ANKDD1B: variants seen among roughly 807,000 people sequenced by gnomAD.
ANKDD1B encodes the protein ankyrin repeat and death domain-containing protein 1B.
Under a neutral mutation model 59.7 loss-of-function variants are expected in ANKDD1B, and 57 were observed. The ratio of observed to expected loss-of-function variants is 0.95; its 90% CI spans 0.77 to 1.19. The LOEUF is 1.19. Ranked by LOEUF, ANKDD1B falls within the 50% of genes most tolerant of loss-of-function variation. The pLI, the probability that ANKDD1B is intolerant of heterozygous loss-of-function variation, is 0.00. For synonymous variants in ANKDD1B, 216 were observed against 239.5 expected, an observed-to-expected ratio of 0.90 and a Z score of 0.91; for missense variants, 602 against 641.9, an observed-to-expected ratio of 0.94 and a Z score of 0.67.
chr5:75,630,061 C>T (rs1480981368), intron 5 of ANKDD1B, among the ~76,000 whole-genome samples: 1 of 152,144 alleles, frequency 6.6e-6, no homozygotes, highest in African/African-American at 2.4e-5. Flanking sequence ...TTGCCCAAGG[C>T]CTGGAGCCCA....
chr5:75,662,822 G>A (rs1035215245), intron 10 of ANKDD1B, among the ~76,000 whole-genome samples: 1 of 152,074 alleles, frequency 6.6e-6, no homozygotes, highest in Non-Finnish European at 1.5e-5. Context: ...CCCTTGGTGA[G>A]AGGCAGTATG....
At chr5:75,663,267 A>T (rs1217332080) in intron 10 of ANKDD1B, 127 bp from the exon 11 acceptor site, 1 of 687,194 alleles carries the variant, frequency 1.5e-6, no homozygotes, top group Non-Finnish European at 2.5e-6. Flanking sequence ...GAAGCAAAGG[A>T]CTGGCCTAAG....
At chr5:75,632,106 C>CAAAAAAAAAAAAAAAAA (rs529570814) in intron 5 of ANKDD1B, among the ~76,000 whole-genome samples, 1 of 76,846 alleles carries the variant, frequency 1.3e-5, no homozygotes, top group Non-Finnish European at 2.7e-5. Context: ...AACTCTGTCT[C>CAAAAAAAAAAAAAAAAA]AAAAAAAAAA....
At chr5:75,612,265 C>T (rs1773582453) in intron 1 of ANKDD1B, among the ~76,000 whole-genome samples, 1 of 150,816 alleles carries the variant, frequency 6.6e-6, no homozygotes. Context: ...GTAGCATAAA[C>T]TGAGGCAGCT....
intron 1 of ANKDD1B, among the ~76,000 whole-genome samples, chr5:75,612,480 A>T (rs796293283): frequency 1.3e-5 from 2 of 152,136 alleles, no homozygotes; most frequent in South Asian, 2.1e-4. Flanking sequence ...TTAACGGGGC[A>T]CACCATCCAA....
At chr5:75,668,110 A>G (rs1469427331) in intron 12 of ANKDD1B, among the ~76,000 whole-genome samples, 4 of 152,224 alleles carry the variant, frequency 2.6e-5, no homozygotes, top group Non-Finnish European at 5.9e-5. Flanking sequence ...TGACCTAAAG[A>G]GATGACTTGA....
At chr5:75,640,141 T>C (rs1171780947) in intron 7 of ANKDD1B, among the ~76,000 whole-genome samples, 1 of 152,104 alleles carries the variant, frequency 6.6e-6, no homozygotes, top group Non-Finnish European at 1.5e-5. Flanking sequence ...CATCCTGGGC[T>C]CAGGTGATCC....
At position 75,663,482 on chromosome 5, in the gene ANKDD1B, G is replaced by A. The variant is rs897499820; in HGVS notation, c.1184G>A (p.Trp395Ter). The A allele has an allele frequency of 1.3e-6, 2 of 1,536,116 alleles. No homozygotes were observed. Among genetic ancestry groups the A allele is most frequent in the African/African-American group, 2.7e-5 (2 of 73,046 alleles). ...ATTAAAGCAGAGAGATACTACGCCT[G>A]GAGAGAGGTAAGGAAGGACGATCCC... is the stretch of plus-strand genomic sequence containing the variant. ...MLIKAERYYA[W>*]REEHHESIRD... is the part of the protein sequence containing the mutation. Residue 395 changes from tryptophan to a stop codon, truncating the protein, a stop_gained, in exon 11 of 14, where the codon TGG becomes TAG. Coordinates refer to ENST00000601380, the MANE Select transcript of ANKDD1B (RefSeq NM_001276713.2). LOFTEE classifies it high-confidence loss of function.
chr5:75,654,167 T>C (rs1215108216), intron 8 of ANKDD1B, among the ~76,000 whole-genome samples: 1 of 152,222 alleles, frequency 6.6e-6, no homozygotes, highest in Non-Finnish European at 1.5e-5. Context: ...CTTACTCAGC[T>C]GTGGTCTTCT....
rs1579974013 is a variant in ANKDD1B, at chr5:75,659,529, C to T, written c.1095+148C>T. The T allele has an allele frequency of 4.8e-6, 3 of 625,056 alleles. No homozygotes were observed. In the Admixed American group the frequency reaches 8.0e-5, roughly 17 times the overall value. 38.7% of individuals were successfully genotyped at this position (625,056 alleles called of 1,614,324 possible). A position where few individuals can be genotyped will look rare whatever the true frequency, so the allele number is the denominator to read the frequency against. ...TGCATCTTCATAGTCAGTAAAATAC[C>T]CCAATTTTGGTTGAGCTATGTCAGT... On this transcript the variant is annotated intron_variant, in intron 10 of 13. Transcript: ENST00000601380.
At chr5:75,635,037 G>T in intron 6 of ANKDD1B, 41 bp downstream of exon 6, 1 of 1,329,806 alleles carries the variant, frequency 7.5e-7, no homozygotes, top group Non-Finnish European at 1.0e-6. Context: ...ACAAGAGAAA[G>T]GGGAGTAACA....
At chr5:75,637,240 C>CAAAAAAAAAAAAAAAAAAAAAA (rs55640131) in intron 7 of ANKDD1B, among the ~76,000 whole-genome samples, 35 of 69,934 alleles carry the variant, frequency 5.0e-4, no homozygotes, top group South Asian at 3.5e-3. Flanking sequence ...GACTCTGTCT[C>CAAAAAAAAAAAAAAAAAAAAAA]AAAAAAAAAA....
intron 11 of ANKDD1B, among the ~76,000 whole-genome samples, 153 bp downstream of exon 11, chr5:75,663,642 C>A (rs1335971839): frequency 6.6e-6 from 1 of 152,252 alleles, no homozygotes; most frequent in Non-Finnish European, 1.5e-5. Context: ...GTGCTGCCCC[C>A]ATTCGTGGAA....
chr5:75,623,953 G>A (rs757002827), intron 3 of ANKDD1B, among the ~76,000 whole-genome samples: 28 of 152,250 alleles, frequency 1.8e-4, no homozygotes, highest in Non-Finnish European at 3.5e-4. Flanking sequence ...CAACTTGGGG[G>A]CAGCCAAAAT....
chr5:75,626,079 C>T, intron 5 of ANKDD1B, 124 bp downstream of exon 5: 1 of 675,830 alleles, frequency 1.5e-6, no homozygotes, highest in Non-Finnish European at 2.6e-6. Flanking sequence ...CCGGCTCCTC[C>T]ATCACCATGG....
At chr5:75,619,051 T>TC (rs1157637273) in intron 2 of ANKDD1B, among the ~76,000 whole-genome samples, 2 of 152,212 alleles carry the variant, frequency 1.3e-5, no homozygotes, top group Non-Finnish European at 2.9e-5. Context: ...CAGCCATAAC[T>TC]CATGTTTTGT....
chr5:75,612,546 A>G (rs1773599027), intron 1 of ANKDD1B, among the ~76,000 whole-genome samples: 1 of 151,774 alleles, frequency 6.6e-6, no homozygotes, highest in South Asian at 2.1e-4. Flanking sequence ...CTATACACCA[A>G]TTCATCAATA....
In ANKDD1B at chr5:75,656,103, G is replaced by A; in HGVS notation, c.972G>A (p.Gln324=). ...ITVVNSLLSA[Q]HDIDILNQKQ... is the part of the protein sequence containing the mutation. ...TTGTAAACAGTTTATTAAGTGCACA[G>A]CATGATATTGACATCTTAAATCAGG... Residue 324 remains glutamine (Q), a synonymous_variant, in exon 9 of 14, where the codon CAG becomes CAA. Transcript: ENST00000601380. The A allele has an allele frequency of 1.3e-6, 2 of 1,521,706 alleles. No homozygotes were observed. Among genetic ancestry groups the A allele is most frequent in the East Asian group, 2.5e-5 (1 of 40,600 alleles). The allele number at this position is 1,521,706 out of a possible 1,614,324, so 94.3% of individuals were successfully genotyped here. A position where few individuals can be genotyped will look rare whatever the true frequency, so the allele number is the denominator to read the frequency against.
intron 11 of ANKDD1B, 56 bp from the exon 12 acceptor site, chr5:75,666,736 T>G: frequency 7.8e-7 from 1 of 1,280,082 alleles, no homozygotes; most frequent in South Asian, 1.3e-5. Context: ...TACTCTGAAA[T>G]AAGGTAATAA....
Sources: allele counts gnomAD v4.1 joint callset (sites outside exome capture counted in the v4.1 genomes callset), GRCh38; gene constraint gnomAD v4.1.1; transcripts MANE v1.5; gene names NCBI Gene and HGNC (gene_info 2026-07-23, HGNC 2026-07-21).